Variants in ELMO2 observed in about 807,000 individuals in gnomAD.
The protein encoded by ELMO2 is engulfment and cell motility 2.
ELMO2 carries 37 observed loss-of-function variants against 96.2 expected under a neutral mutation model. That is an observed-to-expected ratio of 0.38 (90% confidence interval 0.30 to 0.51). The LOEUF (loss-of-function observed/expected upper bound fraction) is 0.51, where lower values mean the gene tolerates loss of function less well. Among genes scored for constraint, ELMO2 ranks in the 20% least tolerant of loss-of-function variants. The probability of loss-of-function intolerance (pLI) is 0.88; values close to 1 mark genes in which losing one functional copy is unlikely to be tolerated. For missense variants in ELMO2, 561 were observed against 912.6 expected (o/e 0.61, Z 4.96); for synonymous variants, 315 against 329.4 (o/e 0.96, Z 0.47).
In ELMO2 at chr20:46,371,104, C is replaced by T. The variant is rs1284761493; in HGVS notation, c.1801+248G>A. Among the ~76,000 whole-genome samples the T allele has an allele frequency of 6.6e-6, 1 of 152,244 alleles. No individual in the cohort carries two copies. Among genetic ancestry groups the T allele is most frequent in the Admixed American group, 6.5e-5 (1 of 15,288 alleles). On this transcript the variant is annotated intron_variant, in intron 19 of 21. Transcript: ENST00000290246. The surrounding 1 kb of genome is among the most constrained non-coding windows in gnomAD (Gnocchi z 5.9). ...GCTTCACAGCTTCTCCTCTTAACTA[C>T]TGCCTTTCGACTTAGTCATGTACCA...
In ELMO2 at chr20:46,393,998, C is replaced by T. The variant is rs745940358; in HGVS notation, c.119+51G>A. 1.7e-5 allele frequency: 27 copies of T among 1,612,408 alleles called. 1 individual carries two copies. In the South Asian group the frequency reaches 3.0e-4, roughly 18 times the overall value. ...GAACTCCCCTCAAGGTGTAGGAGTGCTCTTTCAGTCGGAGCTGCCACTGTT... is the reference window on the plus strand; with the variant it reads ...GAACTCCCCTCAAGGTGTAGGAGTGTTCTTTCAGTCGGAGCTGCCACTGTT... On this transcript the variant is annotated intron_variant, in intron 4 of 21. Coordinates refer to ENST00000290246, the MANE Select transcript of ELMO2 (RefSeq NM_133171.5).
At chr20:46,392,963 A>G in intron 6 of ELMO2, 130 bp downstream of exon 6, 1 of 803,236 alleles carries the variant, frequency 1.2e-6, no homozygotes, top group South Asian at 1.6e-5. Flanking sequence ...TTCCTGTACT[A>G]TTTCCTGATA....
chr20:46,394,623 G>A (rs2060213175), intron 2 of ELMO2, 91 bp from the exon 3 acceptor site: 1 of 926,562 alleles, frequency 1.1e-6, no homozygotes, highest in Non-Finnish European at 1.7e-6. Context: ...GACAGACACT[G>A]CATAAAGTAA....
intron 16 of ELMO2, 36 bp downstream of exon 16, chr20:46,373,363 C>T (rs2059771209): frequency 6.2e-7 from 1 of 1,612,382 alleles, no homozygotes; most frequent in Non-Finnish European, 8.5e-7. Flanking sequence ...TGATGGTCTC[C>T]TCCCGTGGGC....
At chr20:46,383,583 G>A in intron 9 of ELMO2, 89 bp from the exon 10 acceptor site, 3 of 1,246,622 alleles carry the variant, frequency 2.4e-6, no homozygotes, top group Non-Finnish European at 3.5e-6. Flanking sequence ...ATCACTCACA[G>A]ATTATAAGCA....
intron 6 of ELMO2, among the ~76,000 whole-genome samples, chr20:46,389,449 T>C (rs1413193446): frequency 1.3e-5 from 2 of 152,242 alleles, no homozygotes; most frequent in Non-Finnish European, 2.9e-5. Flanking sequence ...CTTTGGCCTA[T>C]GGATTTAAAA....
Position 46,393,129 on chromosome 20 carries a change from A to G in ELMO2, c.207T>C (p.Ile69=), listed in dbSNP as rs1164034234. 6.2e-7 allele frequency: 1 copy of G among 1,614,006 alleles called. No individual in the cohort carries two copies. The highest frequency in any genetic ancestry group is 8.5e-7 in the Non-Finnish European group (1 of 1,179,954). ...LYITEQTRSD[I]KNGTILQLAI... ...CCAGTTGTAAGATTGTCCCATTCTT[A>G]ATGTCACTGCGAGTCTGGGTAGTGA... The change falls in exon 6 of 22, where the codon ATT becomes ATC. Residue 69 remains isoleucine (I), a synonymous_variant. Transcript: ENST00000290246.
intron 21 of ELMO2, 45 bp downstream of exon 21, chr20:46,368,846 T>G: frequency 6.2e-7 from 1 of 1,604,026 alleles, no homozygotes; most frequent in Non-Finnish European, 8.5e-7. Context: ...AACTGAAGAG[T>G]TACAGAAATA....
intron 11 of ELMO2, 42 bp downstream of exon 11, chr20:46,380,208 ATTG>A (rs768256917): frequency 2.1e-5 from 31 of 1,456,066 alleles, no homozygotes; most frequent in Non-Finnish European, 2.7e-5. Context: ...AACAGTAATA[ATTG>A]TTGTTAATAG....
Position 46,366,158 on chromosome 20 carries a change from C to G in ELMO2, c.*1202G>C, listed in dbSNP as rs1600807498. On this transcript the variant is annotated 3_prime_UTR_variant, in exon 22 of 22. Transcript: ENST00000290246. ...AACTGGAAGTGTTACATACTTTTTACTTCCCCTCAATTTTATTTTTCCCCA... is the reference window on the plus strand; with the variant it reads ...AACTGGAAGTGTTACATACTTTTTAGTTCCCCTCAATTTTATTTTTCCCCA... 6.5e-6 allele frequency: 1 copy of G among 152,674 alleles called. No individual in the cohort carries two copies. Among genetic ancestry groups the G allele is most frequent in the East Asian group, 1.9e-4 (1 of 5,204 alleles). 9.5% of individuals were successfully genotyped at this position (152,674 alleles called of 1,614,324 possible).
At chr20:46,368,513 C>G (rs1462023982) in intron 21 of ELMO2, among the ~76,000 whole-genome samples, 1 of 152,074 alleles carries the variant, frequency 6.6e-6, no homozygotes, top group Non-Finnish European at 1.5e-5. Flanking sequence ...AGGTAAATGA[C>G]TCATTCCTAG....
chr20:46,392,436 G>A (rs2060166637), intron 6 of ELMO2, among the ~76,000 whole-genome samples: 1 of 152,096 alleles, frequency 6.6e-6, no homozygotes, highest in Non-Finnish European at 1.5e-5. Context: ...CTCTTCAAAG[G>A]TTCCTACTAC....
intron 6 of ELMO2, among the ~76,000 whole-genome samples, chr20:46,391,331 C>G (rs1225312103): frequency 1.3e-5 from 2 of 152,170 alleles, no homozygotes; most frequent in African/African-American, 4.8e-5. Flanking sequence ...CTCTCTAACC[C>G]TCAGTTTCCT....
intron 9 of ELMO2, 32 bp downstream of exon 9, chr20:46,386,092 G>C (rs764345935): frequency 1.3e-5 from 21 of 1,601,450 alleles, no homozygotes; most frequent in Non-Finnish European, 1.8e-5. Flanking sequence ...ACAGACAAGT[G>C]AAGGGAGGGA....
intron 1 of ELMO2, among the ~76,000 whole-genome samples, chr20:46,400,471 G>A (rs1191696681): frequency 6.6e-6 from 1 of 152,236 alleles, no homozygotes; most frequent in Non-Finnish European, 1.5e-5. Flanking sequence ...GTTATAAATA[G>A]CCTCTTGCTC....
intron 1 of ELMO2, among the ~76,000 whole-genome samples, chr20:46,399,622 A>G (rs139395038): frequency 2.0e-5 from 3 of 152,350 alleles, no homozygotes; most frequent in Admixed American, 6.5e-5. Context: ...ACATATTTAC[A>G]CATCTCCACT....
Position 46,387,335 on chromosome 20 carries a change from C to T in ELMO2, c.525+3G>A. The T allele has an allele frequency of 6.2e-7, 1 of 1,613,610 alleles. No individual in the cohort carries two copies. Among genetic ancestry groups the T allele is most frequent in the Non-Finnish European group, 8.5e-7 (1 of 1,179,690 alleles). On this transcript the variant is annotated splice_donor_region_variant and intron_variant, in intron 8 of 21. Transcript: ENST00000290246. ...GAGAAAGACAGAATGTTGGAGGCCT[C>T]ACCTGCTTAATAAAGGTGATTGAAA... is the stretch of plus-strand genomic sequence containing the variant.
In ELMO2 at chr20:46,366,879, C is replaced by A. The variant is rs1348122417; in HGVS notation, c.*481G>T. 6.5e-6 allele frequency: 1 copy of A among 153,160 alleles called. No homozygotes were observed. The highest frequency in any genetic ancestry group is 1.5e-5 in the Non-Finnish European group (1 of 68,486). The allele number at this position is 153,160 out of a possible 1,614,324, so 9.5% of individuals were successfully genotyped here. On this transcript the variant is annotated 3_prime_UTR_variant, in exon 22 of 22. Transcript: ENST00000290246. ...GAGCCCTCATCAAAAAAGACAAAAG[C>A]AAAAGCCTCAGGCTTGTACTCAGAT... is the stretch of plus-strand genomic sequence containing the variant.
chr20:46,382,313 C>A, intron 10 of ELMO2: 1 of 1,273,100 alleles, frequency 7.9e-7, no homozygotes. Context: ...AAACAAGGAC[C>A]GGGAAGGCAG....
Sources: allele counts gnomAD v4.1 joint callset (sites outside exome capture counted in the v4.1 genomes callset), GRCh38; gene constraint gnomAD v4.1.1; non-coding constraint Gnocchi (gnomAD v3.1); transcripts MANE v1.5; gene names NCBI Gene and HGNC (gene_info 2026-07-23, HGNC 2026-07-21).